The following ROBO1 variants were observed in gnomAD, a reference collection of about 807,000 sequenced individuals.
The protein encoded by ROBO1 is roundabout guidance receptor 1.
In ROBO1, 149 loss-of-function variants were observed where a neutral mutation model predicts 195.9. That is an observed-to-expected ratio of 0.76 (90% CI 0.67 to 0.87). The LOEUF is 0.87. Ranked by LOEUF, ROBO1 falls within the 40% of genes least tolerant of loss-of-function variation. The pLI is 0.00. For synonymous variants in ROBO1, 816 were observed against 733.2 expected (o/e 1.11, Z -1.82); for missense variants, 1,933 against 2,068.3 (o/e 0.93, Z 1.27).
intron 2 of ROBO1, among the ~76,000 whole-genome samples, chr3:79,569,066 G>A (rs1014422087): frequency 6.6e-6 from 1 of 152,090 alleles, no homozygotes; most frequent in Admixed American, 6.6e-5. Context: ...TCATAGCTTT[G>A]TGTTTGGTGA....
chr3:79,285,352 A>G (rs2031821033), intron 2 of ROBO1, among the ~76,000 whole-genome samples: 1 of 152,230 alleles, frequency 6.6e-6, no homozygotes, highest in South Asian at 2.1e-4. Flanking sequence ...GCACCTGTAT[A>G]TAATTGTAAG....
At chr3:78,932,429 G>A (rs1233151478) in intron 4 of ROBO1, among the ~76,000 whole-genome samples, 1 of 152,180 alleles carries the variant, frequency 6.6e-6, no homozygotes, top group Non-Finnish European at 1.5e-5. Context: ...AGTAGTTCAT[G>A]AGACTGGTAA....
At chr3:78,980,144 A>T (rs977789030) in intron 3 of ROBO1, among the ~76,000 whole-genome samples, 1 of 152,198 alleles carries the variant, frequency 6.6e-6, no homozygotes, top group African/African-American at 2.4e-5. Context: ...AATTATATTT[A>T]AAAATCAATA....
At chr3:79,550,152 G>GAAGGAAGAAAGAAAGAAAGAAAGAAAGA (rs1559984156) in intron 2 of ROBO1, among the ~76,000 whole-genome samples, 1 of 91,086 alleles carries the variant, frequency 1.1e-5, no homozygotes. Context: ...AAAAAGAAAG[G>GAAGGAAGAAAGAAAGAAAGAAAGAAAGA]AAGAAAGAAA....
chr3:79,437,822 A>T (rs2038936157), intron 2 of ROBO1, among the ~76,000 whole-genome samples: 1 of 151,912 alleles, frequency 6.6e-6, no homozygotes, highest in Admixed American at 6.6e-5. Context: ...GAAAACACAC[A>T]TGAAGGTGCA....
chr3:79,280,308 T>A (rs958138668), intron 2 of ROBO1, among the ~76,000 whole-genome samples: 7 of 152,178 alleles, frequency 4.6e-5, no homozygotes, highest in African/African-American at 9.7e-5. Flanking sequence ...TCACTATACA[T>A]TATATGTTTT....
intron 2 of ROBO1, among the ~76,000 whole-genome samples, chr3:79,257,893 A>G (rs2082868016): frequency 6.6e-6 from 1 of 152,158 alleles, no homozygotes; most frequent in Non-Finnish European, 1.5e-5. Flanking sequence ...AGAAACAACC[A>G]CAGTATATTC....
At chr3:79,715,554 T>C (rs1266268344) in intron 1 of ROBO1, among the ~76,000 whole-genome samples, 1 of 152,178 alleles carries the variant, frequency 6.6e-6, no homozygotes, top group African/African-American at 2.4e-5. Context: ...TACAGTATTA[T>C]GTAAACATAA....
chr3:79,673,986 T>C (rs1946709038), intron 1 of ROBO1, among the ~76,000 whole-genome samples: 1 of 152,014 alleles, frequency 6.6e-6, no homozygotes, highest in African/African-American at 2.4e-5. Context: ...CACAAAGAAT[T>C]AGTATTTATA....
intron 2 of ROBO1, among the ~76,000 whole-genome samples, chr3:79,266,442 T>A (rs1354884347): frequency 6.6e-6 from 1 of 151,532 alleles, no homozygotes; most frequent in African/African-American, 2.4e-5. Context: ...ATAGAAAATA[T>A]CCTTCTTAGC....
intron 2 of ROBO1, among the ~76,000 whole-genome samples, chr3:79,336,332 CCTAGGG>C (rs1446984305): frequency 6.6e-6 from 1 of 152,210 alleles, no homozygotes; most frequent in Non-Finnish European, 1.5e-5. Flanking sequence ...GTGGTCTGGG[CCTAGGG>C]CCTCCCTGCT....
Position 79,459,005 on chromosome 3 carries a change from A to G in ROBO1, c.88+130819T>C, listed in dbSNP as rs201792767. ...AAAATTTATACTATCATGACCCTATAAAACTGTATCCAACTTTATGCTAAC... is the reference window on the plus strand; with the variant it reads ...AAAATTTATACTATCATGACCCTATGAAACTGTATCCAACTTTATGCTAAC... On this transcript the variant is annotated intron_variant, in intron 2 of 30. Coordinates refer to ENST00000464233, the MANE Select transcript of ROBO1 (RefSeq NM_002941.4). 3.3e-5 allele frequency among the ~76,000 whole-genome samples: 5 copies of G among 152,214 alleles called. No homozygotes were observed. In the East Asian group the frequency reaches 9.6e-4, roughly 29 times the overall value.
At chr3:79,570,821 T>C (rs546579415) in intron 2 of ROBO1, among the ~76,000 whole-genome samples, 7 of 152,258 alleles carry the variant, frequency 4.6e-5, no homozygotes, top group Non-Finnish European at 8.8e-5. Flanking sequence ...AATAGGGTGA[T>C]TGAAATTTAG....
rs560714103 is a variant in ROBO1 at position 79,181,003 on chromosome 3, C to T, written c.89-55464G>A. 7.8e-4 allele frequency among the ~76,000 whole-genome samples: 119 copies of T among 152,194 alleles called. 1 individual carries two copies. Among genetic ancestry groups the T allele is most frequent in the Non-Finnish European group, 1.5e-3 (104 of 67,994 alleles). The stretch of plus-strand genomic sequence containing the variant: ...AGAAGCAAGTGTGTTAAATTGAGAC[C>T]GCCACTTTAATTTATATTTGTGAAA... On this transcript the variant is annotated intron_variant, in intron 2 of 30. Transcript: ENST00000464233.
At chr3:79,148,773 G>A (rs2311350) in intron 2 of ROBO1, among the ~76,000 whole-genome samples, 109,324 of 151,802 alleles carry the variant, frequency 0.72, 39,433 homozygotes, top group East Asian at 0.79. Flanking sequence ...TTCCTAACAT[G>A]GATTCACTGA....
intron 2 of ROBO1, among the ~76,000 whole-genome samples, chr3:79,190,954 G>A (rs1371980116): frequency 2.0e-5 from 3 of 151,488 alleles, no homozygotes; most frequent in Middle Eastern, 3.2e-3. Context: ...AGTTCTCTCT[G>A]TGATGCATTC....
rs1553772849 is a variant in ROBO1 at position 79,607,132 on chromosome 3, CAT to C, written c.-50-17173_-50-17172del. 3.2e-3 allele frequency among the ~76,000 whole-genome samples: 482 copies of C among 150,196 alleles called. 3 individuals are homozygous for C. The highest frequency in any genetic ancestry group is 0.01 in the Middle Eastern group (3 of 292). ...ACACACACACACACACACACACACACATAGTGGAACCTAAAAATGGCCTTACA... is the reference window on the plus strand; with the variant it reads ...ACACACACACACACACACACACACACAGTGGAACCTAAAAATGGCCTTACA... On this transcript the variant is annotated intron_variant, in intron 1 of 30. Transcript: ENST00000464233.
chr3:79,589,274 T>C (rs1443688094), intron 2 of ROBO1, among the ~76,000 whole-genome samples: 1 of 151,756 alleles, frequency 6.6e-6, no homozygotes. Context: ...TGCTATTCTA[T>C]ACCATTAATG....
At chr3:79,298,486 T>C (rs548104097) in intron 2 of ROBO1, among the ~76,000 whole-genome samples, 3 of 152,264 alleles carry the variant, frequency 2.0e-5, no homozygotes, top group Admixed American at 2.0e-4. Flanking sequence ...CTCTATTTTA[T>C]GGTCCCTTTG....
Sources: allele counts gnomAD v4.1 joint callset (sites outside exome capture counted in the v4.1 genomes callset), GRCh38; gene constraint gnomAD v4.1.1; transcripts MANE v1.5; gene names NCBI Gene and HGNC (gene_info 2026-07-23, HGNC 2026-07-21).